GNAL: variants seen among roughly 807,000 people sequenced by gnomAD.
The protein encoded by GNAL is G protein subunit alpha L.
Under a neutral mutation model 55.1 loss-of-function variants are expected in GNAL, and 18 were observed. That is an observed-to-expected ratio of 0.33 (90% CI 0.23 to 0.48). GNAL has a LOEUF of 0.48. GNAL is among the 20% of genes least tolerant of loss of function. GNAL has a pLI of 0.99. For synonymous variants in GNAL, 253 were observed against 237.0 expected (o/e 1.07, Z -0.62); for missense variants, 412 against 614.1 (o/e 0.67, Z 3.48).
At chr18:11,817,370 T>A (rs1388158401) in intron 4 of GNAL, among the ~76,000 whole-genome samples, 1 of 152,196 alleles carries the variant, frequency 6.6e-6, no homozygotes, top group Non-Finnish European at 1.5e-5. Context: ...TCTCATGTTG[T>A]CATTGAATTA....
intron 4 of GNAL, among the ~76,000 whole-genome samples, chr18:11,818,465 T>A (rs2035014029): frequency 6.6e-6 from 1 of 152,234 alleles, no homozygotes; most frequent in Non-Finnish European, 1.5e-5. Context: ...CTCATGTGAT[T>A]ACAGTGGTGG....
chr18:11,836,679 A>G (rs911430943), intron 5 of GNAL, among the ~76,000 whole-genome samples: 2 of 152,212 alleles, frequency 1.3e-5, no homozygotes, highest in African/African-American at 4.8e-5. Flanking sequence ...AGACTACACA[A>G]TACCAACTAT....
intron 4 of GNAL, among the ~76,000 whole-genome samples, chr18:11,789,590 A>G (rs1251559772): frequency 6.6e-6 from 1 of 152,264 alleles, no homozygotes; most frequent in African/African-American, 2.4e-5. Context: ...CCAACAATCC[A>G]GTTATCATTG....
chr18:11,774,428 C>T (rs929774224), intron 4 of GNAL, among the ~76,000 whole-genome samples: 6 of 152,162 alleles, frequency 3.9e-5, no homozygotes, highest in Middle Eastern at 3.2e-3. Context: ...AATGCATGAG[C>T]GCCCATCTAA....
chr18:11,827,410 C>T (rs1003156665), intron 5 of GNAL, among the ~76,000 whole-genome samples: 2 of 151,836 alleles, frequency 1.3e-5, no homozygotes, highest in Non-Finnish European at 2.9e-5. Context: ...GTCAGGAGTT[C>T]AAGACCAGCC....
intron 5 of GNAL, among the ~76,000 whole-genome samples, chr18:11,829,497 A>T (rs1044404122): frequency 1.3e-5 from 2 of 152,220 alleles, no homozygotes; most frequent in Non-Finnish European, 2.9e-5. Context: ...TAGAAAAAAT[A>T]AAAGCTGCTC....
At chr18:11,877,031 A>C (rs1296853448) in intron 11 of GNAL, among the ~76,000 whole-genome samples, 1 of 152,256 alleles carries the variant, frequency 6.6e-6, no homozygotes, top group Non-Finnish European at 1.5e-5. Context: ...CCTCCATCCA[A>C]AAGCACTAAC....
chr18:11,761,561 C>T (rs2143184370), intron 4 of GNAL, among the ~76,000 whole-genome samples: 1 of 152,352 alleles, frequency 6.6e-6, no homozygotes, highest in East Asian at 1.9e-4. Context: ...TGTGTCCTGG[C>T]CTTCTGATCC....
At chr18:11,802,670 G>C (rs1171354429) in intron 4 of GNAL, among the ~76,000 whole-genome samples, 2 of 152,214 alleles carry the variant, frequency 1.3e-5, no homozygotes, top group African/African-American at 4.8e-5. Flanking sequence ...TGAATTAAAA[G>C]CTTCTTATGA....
chr18:11,861,133 A>G lies in GNAL; in HGVS notation c.723-1262A>G, dbSNP rs1327906192. 2.0e-5 allele frequency among the ~76,000 whole-genome samples: 3 copies of G among 152,160 alleles called. No individual in the cohort carries two copies. In the East Asian group the frequency reaches 5.8e-4, roughly 29 times the overall value. The stretch of plus-strand genomic sequence containing the variant: ...ACCTACCAAAGGACAGAACCAGCCA[A>G]CTGGCATGGCAGGCAGGGAGCCAGC... On this transcript the variant is annotated intron_variant, in intron 5 of 11. Transcript: ENST00000334049.
chr18:11,827,657 T>C (rs940357585), intron 5 of GNAL, among the ~76,000 whole-genome samples: 11 of 133,190 alleles, frequency 8.3e-5, no homozygotes, highest in African/African-American at 3.7e-4. Flanking sequence ...TTTCCTGCCA[T>C]GCACGACAAG....
intron 5 of GNAL, among the ~76,000 whole-genome samples, chr18:11,854,758 G>A (rs563278941): frequency 3.7e-4 from 57 of 152,032 alleles, no homozygotes; most frequent in African/African-American, 1.1e-3. Flanking sequence ...TCTAGCCTGC[G>A]CAACAAGGAT....
chr18:11,809,257 CA>C (rs112266970), intron 4 of GNAL, among the ~76,000 whole-genome samples: 9,817 of 142,834 alleles, frequency 0.069, 465 homozygotes, highest in African/African-American at 0.14. Flanking sequence ...GACTCTATCT[CA>C]AAAAAAAAAA....
intron 1 of GNAL, among the ~76,000 whole-genome samples, chr18:11,727,133 C>G (rs927668979): frequency 3.5e-4 from 54 of 152,164 alleles, no homozygotes; most frequent in African/African-American, 1.3e-3. Context: ...CACCCTGTGC[C>G]CTCTGCTCTC....
chr18:11,690,160 G>A (rs1431075385), intron 1 of GNAL, among the ~76,000 whole-genome samples: 3 of 152,080 alleles, frequency 2.0e-5, no homozygotes, highest in African/African-American at 7.2e-5. Flanking sequence ...AGGACACTAC[G>A]GGCTGATTCT....
At chr18:11,721,915 A>C (rs529670834) in intron 1 of GNAL, among the ~76,000 whole-genome samples, 2 of 151,082 alleles carry the variant, frequency 1.3e-5, no homozygotes, top group East Asian at 3.9e-4. Flanking sequence ...TAAATAAATA[A>C]ATAAATAAAT....
chr18:11,737,714 G>C (rs9956640), intron 1 of GNAL, among the ~76,000 whole-genome samples: 1 of 152,214 alleles, frequency 6.6e-6, no homozygotes, highest in Non-Finnish European at 1.5e-5. Context: ...ACTGAAATCC[G>C]GATGCCTCTG....
intron 4 of GNAL, among the ~76,000 whole-genome samples, chr18:11,773,643 G>T (rs1023753472): frequency 1.3e-5 from 2 of 152,090 alleles, no homozygotes; most frequent in African/African-American, 4.8e-5. Context: ...AAATAGCCGG[G>T]CATGGTGTTG....
At chr18:11,839,281 C>T (rs535822763) in intron 5 of GNAL, among the ~76,000 whole-genome samples, 13 of 152,106 alleles carry the variant, frequency 8.5e-5, no homozygotes, top group African/African-American at 2.2e-4. Context: ...CAGTGGCTCA[C>T]GCCTGTAATC....
Sources: gnomAD v4.1 joint callset for allele counts (sites outside exome capture counted in the v4.1 genomes callset) on GRCh38, gnomAD v4.1.1 for gene constraint, MANE v1.5 for transcripts, NCBI Gene and HGNC (gene_info 2026-07-23, HGNC 2026-07-21) for gene names.